ZNF410: variants seen among roughly 807,000 people sequenced by gnomAD.
ZNF410 encodes zinc finger protein 410, also known as another partner for ARF 1.
In ZNF410, 18 loss-of-function variants were observed where a neutral mutation model predicts 54.8. That is an observed-to-expected ratio of 0.33 (90% CI 0.23 to 0.49). The LOEUF (loss-of-function observed/expected upper bound fraction) is 0.49. Ranked by LOEUF, ZNF410 falls within the 20% of genes least tolerant of loss-of-function variation. ZNF410 has a pLI of 0.99. For synonymous variants in ZNF410, 191 were observed against 207.3 expected, an observed-to-expected ratio of 0.92 and a Z score of 0.68; for missense variants, 405 against 569.6, an observed-to-expected ratio of 0.71 and a Z score of 2.94.
chr14:73,901,207 A>G (rs898422868), intron 5 of ZNF410, among the ~76,000 whole-genome samples: 1 of 152,214 alleles, frequency 6.6e-6, no homozygotes, highest in Non-Finnish European at 1.5e-5. Flanking sequence ...TTTTATGGGA[A>G]CATAGGCATC....
rs756646778 is a variant in ZNF410, at chr14:73,892,057, C to A, written c.-119C>A. 1 of 1,156,112 alleles carries A rather than the reference C, an allele frequency of 8.6e-7. No homozygotes were observed. Among genetic ancestry groups the A allele is most frequent in the African/African-American group, 1.5e-5 (1 of 66,074 alleles). 71.6% of individuals were successfully genotyped at this position (1,156,112 alleles called of 1,614,324 possible). A position where few individuals can be genotyped will look rare whatever the true frequency, so the allele number is the denominator to read the frequency against. On this transcript the variant is annotated 5_prime_UTR_variant, in exon 2 of 12. Transcript: ENST00000555044. Reference sequence around the variant, plus strand: ...ATTGATTACCCACCTAGTACAACATCTTACGGGAAGAGCATAGTATTTCCT... The same window carrying A: ...ATTGATTACCCACCTAGTACAACATATTACGGGAAGAGCATAGTATTTCCT...
rs115184091 is a variant in ZNF410 at position 73,910,135 on chromosome 14, T to C, written c.1003+705T>C. ...ATGGTGATTTACTTGGAAAACAAGA[T>C]GGGGAAGGTAGTTTAAGAAGGGCCT... On this transcript the variant is annotated intron_variant, in intron 8 of 11. Transcript: ENST00000555044. Among the ~76,000 whole-genome samples the C allele has an allele frequency of 4.4e-3, 673 of 152,138 alleles. 6 individuals are homozygous for C. Among genetic ancestry groups the C allele is most frequent in the African/African-American group, 0.016 (655 of 41,502 alleles).
At chr14:73,927,241 A>G (rs1186685581) in intron 11 of ZNF410, 2 of 224,298 alleles carry the variant, frequency 8.9e-6, no homozygotes, top group Non-Finnish European at 1.9e-5. Context: ...AGGTGCCACC[A>G]CGCCCGGCTG....
At chr14:73,889,995 C>T (rs535253341) in intron 1 of ZNF410, among the ~76,000 whole-genome samples, 2 of 152,092 alleles carry the variant, frequency 1.3e-5, no homozygotes, top group East Asian at 3.9e-4. Context: ...CGGAGTTGCA[C>T]CATGTTGGCC....
At chr14:73,900,962 T>C (rs2055397475) in intron 5 of ZNF410, among the ~76,000 whole-genome samples, 1 of 152,228 alleles carries the variant, frequency 6.6e-6, no homozygotes, top group South Asian at 2.1e-4. Flanking sequence ...TGCACTAACA[T>C]GTAATGAAGT....
intron 8 of ZNF410, among the ~76,000 whole-genome samples, chr14:73,910,338 A>G (rs2140311538): frequency 6.6e-6 from 1 of 152,286 alleles, no homozygotes; most frequent in South Asian, 2.1e-4. Flanking sequence ...GGGAGCATGG[A>G]AAGAGACCCA....
At position 73,922,241 on chromosome 14, in the gene ZNF410, T is replaced by G. The variant is rs148348570; in HGVS notation, c.1270+35T>G. 630 of 1,602,622 alleles carry G rather than the reference T, an allele frequency of 3.9e-4. 2 individuals are homozygous for G. Among genetic ancestry groups the G allele is most frequent in the African/African-American group, 3.0e-3 (228 of 74,766 alleles). ...CCAACTCTCCTTTATTTGGGAAAAA[T>G]GGGCTGCAACTAGGGGCTAAGGAAT... On this transcript the variant is annotated intron_variant, in intron 10 of 11. Coordinates refer to ENST00000555044, the MANE Select transcript of ZNF410 (RefSeq NM_021188.3).
chr14:73,896,467 T>C lies in ZNF410; in HGVS notation c.321T>C (p.Ser107=). Residue 107 remains serine, a synonymous_variant, in exon 4 of 12, where the codon TCT becomes TCC. Transcript: ENST00000555044. ...AGTTTTTGTCCACTTCAGAGTCTTC[T>C]AGCTTGTTGCAAGATCTACAGCCAA... The part of the protein sequence containing the change: ...SPEFLSTSES[S]SLLQDLQPSD... The C allele has an allele frequency of 6.2e-7, 1 of 1,614,222 alleles. No individual in the cohort carries two copies. The highest frequency in any genetic ancestry group is 1.1e-5 in the South Asian group (1 of 91,086).
intron 11 of ZNF410, among the ~76,000 whole-genome samples, chr14:73,924,439 T>C (rs1382018933): frequency 1.3e-5 from 2 of 152,138 alleles, no homozygotes; most frequent in Admixed American, 6.5e-5. Context: ...ACAAAAAGGG[T>C]TTGAGGTTGA....
At position 73,921,219 on chromosome 14, in the gene ZNF410, C is replaced by T; in HGVS notation, c.1129+114C>T. On this transcript the variant is annotated intron_variant, in intron 9 of 11. Transcript: ENST00000555044. ...CTGATTCTGTTTTGGGTAGATAGAC[C>T]TGGTCTCATTTGATGGGCTGATGGT... 10 of 1,405,530 alleles carry T rather than the reference C, an allele frequency of 7.1e-6. No individual in the cohort carries two copies. The South Asian group carries it at 8.2e-5, about 12-fold the overall frequency. 87.1% of individuals were successfully genotyped at this position (1,405,530 alleles called of 1,614,324 possible).
intron 2 of ZNF410, chr14:73,893,578 TAACTG>T (rs1478005273): frequency 2.2e-6 from 1 of 460,590 alleles, no homozygotes; most frequent in Non-Finnish European, 3.7e-6. Context: ...TGTGGTCTGT[TAACTG>T]AAATGTCGTT....
chr14:73,892,437 G>A (rs1347265984), intron 2 of ZNF410, among the ~76,000 whole-genome samples: 1 of 151,130 alleles, frequency 6.6e-6, no homozygotes, highest in Non-Finnish European at 1.5e-5. Context: ...CATACATTTA[G>A]ATAATGTAAT....
At chr14:73,926,342 T>C (rs2140330227) in intron 11 of ZNF410, among the ~76,000 whole-genome samples, 1 of 151,726 alleles carries the variant, frequency 6.6e-6, no homozygotes, top group Non-Finnish European at 1.5e-5. Flanking sequence ...GTATATTGCA[T>C]TTGTTTAATA....
chr14:73,930,789 CAG>C (rs1462242058), intron 11 of ZNF410, among the ~76,000 whole-genome samples: 1 of 152,088 alleles, frequency 6.6e-6, no homozygotes, highest in Non-Finnish European at 1.5e-5. Context: ...CTTGTAGAGA[CAG>C]GGCCTCACTG....
At chr14:73,905,166 G>C (rs1156413313) in intron 7 of ZNF410, 83 bp downstream of exon 7, 11 of 1,423,002 alleles carry the variant, frequency 7.7e-6, no homozygotes, top group African/African-American at 1.4e-5. Flanking sequence ...ACTCAAGTGG[G>C]AATAGAAATG....
At chr14:73,930,862 A>G (rs905446515) in intron 11 of ZNF410, among the ~76,000 whole-genome samples, 9 of 152,118 alleles carry the variant, frequency 5.9e-5, no homozygotes, top group African/African-American at 2.2e-4. Flanking sequence ...CAGCCTCCCA[A>G]AGTGCTGGGA....
intron 11 of ZNF410, among the ~76,000 whole-genome samples, chr14:73,931,236 TAACTACACA>T (rs925425555): frequency 5.3e-5 from 8 of 152,150 alleles, no homozygotes; most frequent in African/African-American, 1.9e-4. Flanking sequence ...GATGAGTAGG[TAACTACACA>T]AACAATAGTT....
At chr14:73,906,216 G>A (rs549393402) in intron 7 of ZNF410, 1 of 152,084 alleles carries the variant, frequency 6.6e-6, no homozygotes, top group East Asian at 1.9e-4. Flanking sequence ...GTGTTAGCCA[G>A]GATGGTCTCG....
chr14:73,920,894 C>T, intron 8 of ZNF410, 86 bp from the exon 9 acceptor site: 3 of 1,551,288 alleles, frequency 1.9e-6, no homozygotes, highest in South Asian at 2.4e-5. Context: ...TTCAGTTTAA[C>T]ATTCTCTGGG....
Sources: gnomAD v4.1 joint callset for allele counts (sites outside exome capture counted in the v4.1 genomes callset) on GRCh38, gnomAD v4.1.1 for gene constraint, MANE v1.5 for transcripts, NCBI Gene and HGNC (gene_info 2026-07-23, HGNC 2026-07-21) for gene names.